The following ERC1 variants were observed in gnomAD, a reference collection of about 807,000 sequenced individuals.
The protein encoded by ERC1 is RAB6 interacting protein 2.
In ERC1, 56 loss-of-function variants were observed where a neutral mutation model predicts 132.0. The ratio of observed to expected loss-of-function variants is 0.42; its 90% CI spans 0.34 to 0.53. The LOEUF (loss-of-function observed/expected upper bound fraction) is 0.53, where lower values mean the gene tolerates loss of function less well. Ranked by LOEUF, ERC1 falls within the 20% of genes least tolerant of loss-of-function variation. The pLI, the probability that ERC1 is intolerant of heterozygous loss-of-function variation, is 0.03. For synonymous variants in ERC1, 478 were observed against 476.1 expected (o/e 1.00, Z -0.05); for missense variants, 1,202 against 1,349.9 (o/e 0.89, Z 1.72).
chr12:1,478,233 T>C (rs1293442030), intron 18 of ERC1, among the ~76,000 whole-genome samples: 1 of 152,218 alleles, frequency 6.6e-6, no homozygotes, highest in South Asian at 2.1e-4. Context: ...TCTTTTTAAA[T>C]TTTAGCCATT....
At chr12:1,148,038 C>T (rs1043044723) in intron 8 of ERC1, among the ~76,000 whole-genome samples, 6 of 152,090 alleles carry the variant, frequency 3.9e-5, no homozygotes, top group African/African-American at 1.4e-4. Context: ...TAAACTTTGC[C>T]TTTCAGATCA....
intron 12 of ERC1, among the ~76,000 whole-genome samples, chr12:1,213,099 C>T (rs1227766751): frequency 1.3e-5 from 2 of 152,098 alleles, no homozygotes; most frequent in African/African-American, 2.4e-5. Context: ...TCTTCTTCAC[C>T]TTTACCTGTA....
chr12:1,073,494 A>T (rs1940792789), intron 2 of ERC1, among the ~76,000 whole-genome samples: 1 of 151,408 alleles, frequency 6.6e-6, no homozygotes, highest in Admixed American at 6.6e-5. Flanking sequence ...TCTACTAAAA[A>T]TACAAAAATT....
intron 3 of ERC1, among the ~76,000 whole-genome samples, chr12:1,101,979 C>T (rs976772075): frequency 3.4e-4 from 52 of 152,052 alleles, no homozygotes; most frequent in Non-Finnish European, 1.3e-4. Context: ...TTAGTGAAGG[C>T]TTTGGATTCA....
intron 6 of ERC1, 114 bp from the exon 7 acceptor site, chr12:1,115,752 C>A: frequency 1.1e-6 from 1 of 912,082 alleles, no homozygotes; most frequent in Non-Finnish European, 1.6e-6. Context: ...TGACCTATCA[C>A]ACAGTTCGTG....
At chr12:1,096,046 C>G (rs1347742880) in intron 3 of ERC1, among the ~76,000 whole-genome samples, 2 of 151,914 alleles carry the variant, frequency 1.3e-5, no homozygotes, top group African/African-American at 2.4e-5. Flanking sequence ...CTGCCTCAGC[C>G]CCCGCAAGTG....
intron 15 of ERC1, among the ~76,000 whole-genome samples, chr12:1,360,099 G>C (rs2085943109): frequency 6.6e-6 from 1 of 151,840 alleles, no homozygotes; most frequent in African/African-American, 2.4e-5. Context: ...CATCTTTTTT[G>C]TTTGTTTGTT....
intron 7 of ERC1, among the ~76,000 whole-genome samples, chr12:1,124,058 G>C (rs147732926): frequency 0.013 from 2,023 of 152,264 alleles, 58 homozygotes; most frequent in African/African-American, 0.046. Context: ...TTGGTCATTT[G>C]GATGTGCTCC....
chr12:1,136,238 G>C (rs1352485211), intron 7 of ERC1, among the ~76,000 whole-genome samples: 1 of 152,094 alleles, frequency 6.6e-6, no homozygotes, highest in African/African-American at 2.4e-5. Flanking sequence ...CTATGCTTTA[G>C]CAATTCTCTA....
intron 18 of ERC1, among the ~76,000 whole-genome samples, chr12:1,474,541 A>G (rs2093932065): frequency 6.6e-6 from 1 of 152,160 alleles, no homozygotes; most frequent in Non-Finnish European, 1.5e-5. Context: ...TCTCTCTAAC[A>G]TCTTTACTAG....
rs530104054 is a variant in ERC1, at chr12:1,124,866, A to T, written c.1569+8833A>T. Reference sequence around the variant, plus strand: ...TGGAAAAATATAAAATGACAGAAGAAGTTCAAGAGATAAGAGAAAACATGA... The same window carrying T: ...TGGAAAAATATAAAATGACAGAAGATGTTCAAGAGATAAGAGAAAACATGA... On this transcript the variant is annotated intron_variant, in intron 7 of 18. Transcript: ENST00000360905. 8.5e-5 allele frequency among the ~76,000 whole-genome samples: 13 copies of T among 152,322 alleles called. No homozygotes were observed. The East Asian group carries it at 2.5e-3, about 29-fold the overall frequency.
rs188153381 is a variant in ERC1, at chr12:1,095,354, C to T, written c.1087-9396C>T. Among the ~76,000 whole-genome samples the T allele has an allele frequency of 5.0e-3, 679 of 136,976 alleles. 1 individual carries two copies. Among genetic ancestry groups the T allele is most frequent in the Middle Eastern group, 0.024 (6 of 246 alleles). The allele number at this position is 136,976 out of a possible 152,430, so 89.9% of individuals were successfully genotyped here. On this transcript the variant is annotated intron_variant, in intron 3 of 18. Coordinates refer to ENST00000360905, the MANE Select transcript of ERC1 (RefSeq NM_178040.4). Reference sequence around the variant, plus strand: ...CTGAGGCAGGAGAATCGCTTGAACTCGGGAGGTGGAGGTTGCAGTGAGCCG... The same window carrying T: ...CTGAGGCAGGAGAATCGCTTGAACTTGGGAGGTGGAGGTTGCAGTGAGCCG...
intron 15 of ERC1, among the ~76,000 whole-genome samples, chr12:1,366,169 T>G (rs2086645809): frequency 6.6e-6 from 1 of 152,178 alleles, no homozygotes; most frequent in Non-Finnish European, 1.5e-5. Flanking sequence ...ACTGAACTGT[T>G]CATTTATAAA....
intron 13 of ERC1, among the ~76,000 whole-genome samples, chr12:1,237,323 C>T (rs1594441266): frequency 6.6e-6 from 1 of 152,116 alleles, no homozygotes; most frequent in South Asian, 2.1e-4. Context: ...TCTAACCTCC[C>T]TCTATCTTTC....
At chr12:1,276,521 G>C in intron 14 of ERC1, among the ~76,000 whole-genome samples, 1 of 151,544 alleles carries the variant, frequency 6.6e-6, no homozygotes, top group East Asian at 1.9e-4. Flanking sequence ...TTACTGGCGT[G>C]AGCCACTGTG....
chr12:1,091,034 A>G (rs1943129389), intron 3 of ERC1, among the ~76,000 whole-genome samples: 1 of 151,940 alleles, frequency 6.6e-6, no homozygotes, highest in African/African-American at 2.4e-5. Flanking sequence ...AGTAGCTGGG[A>G]CAACAGGCGT....
At chr12:1,241,891 C>T (rs536974035) in intron 13 of ERC1, among the ~76,000 whole-genome samples, 1 of 121,626 alleles carries the variant, frequency 8.2e-6, no homozygotes, top group African/African-American at 3.2e-5. Context: ...GAGTCTCTTG[C>T]CCTGTCCCCA....
intron 12 of ERC1, chr12:1,204,239 A>C (rs1480932948): frequency 5.6e-6 from 2 of 356,716 alleles, no homozygotes; most frequent in East Asian, 4.1e-5. Context: ...GCCCCAGGAA[A>C]TGGTAAATTT....
At chr12:1,373,568 T>C (rs553574822) in intron 16 of ERC1, among the ~76,000 whole-genome samples, 32 of 152,234 alleles carry the variant, frequency 2.1e-4, no homozygotes, top group Non-Finnish European at 4.6e-4. Context: ...GATCATGAGG[T>C]CAGGAAATCG....
Sources: allele counts gnomAD v4.1 joint callset (sites outside exome capture counted in the v4.1 genomes callset), GRCh38; gene constraint gnomAD v4.1.1; transcripts MANE v1.5; gene names NCBI Gene and HGNC (gene_info 2026-07-23, HGNC 2026-07-21).